Variants in ZNF608 observed in about 807,000 individuals in gnomAD.
The protein encoded by ZNF608 is renal carcinoma antigen NY-REN-36.
A neutral mutation model predicts 109.0 loss-of-function variants in ZNF608; 12 were observed. The observed-to-expected ratio is 0.11, with a 90% CI of 0.07 to 0.18. The LOEUF (loss-of-function observed/expected upper bound fraction) is 0.18. Ranked by LOEUF, ZNF608 falls within the 10% of genes least tolerant of loss-of-function variation. The probability of loss-of-function intolerance (pLI) is 1.00; values close to 1 mark genes in which losing one functional copy is unlikely to be tolerated. For missense variants in ZNF608, 1,707 were observed against 1,879.3 expected, an observed-to-expected ratio of 0.91 and a Z score of 1.70; for synonymous variants, 732 against 717.4, an observed-to-expected ratio of 1.02 and a Z score of -0.33.
chr5:124,690,948 C>CACACACAA (rs1554087945), intron 3 of ZNF608, among the ~76,000 whole-genome samples: 3 of 139,658 alleles, frequency 2.1e-5, no homozygotes, highest in East Asian at 2.0e-4. Flanking sequence ...CACACACACA[C>CACACACAA]ACACACATAA....
intron 8 of ZNF608, among the ~76,000 whole-genome samples, chr5:124,640,712 T>C (rs1341929701): frequency 6.6e-6 from 1 of 152,250 alleles, no homozygotes; most frequent in Non-Finnish European, 1.5e-5. Context: ...ATATCAATCC[T>C]ATGGCTTAAA....
In ZNF608 at chr5:124,647,606, C is replaced by T; in HGVS notation, c.2778G>A (p.Gly926=). The T allele has an allele frequency of 6.2e-7, 1 of 1,614,180 alleles. No homozygotes were observed. The highest frequency in any genetic ancestry group is 8.5e-7 in the Non-Finnish European group (1 of 1,180,042). ...MAPLHVLTQN[G]AESSAAKTSS... ...TTGTCTTTGCAGCTGAACTCTCTGC[C>T]CCATTCTGGGTCAACACATGCAGAG... is the stretch of plus-strand genomic sequence containing the variant. The change falls in exon 5 of 10, where the codon GGG becomes GGA. Residue 926 remains glycine, a synonymous_variant. Coordinates refer to ENST00000513986, the MANE Select transcript of ZNF608 (RefSeq NM_020747.3).
At chr5:124,646,309 G>T (rs149892520) in intron 5 of ZNF608, among the ~76,000 whole-genome samples, 2,335 of 152,268 alleles carry the variant, frequency 0.015, 47 homozygotes, top group African/African-American at 0.045. Flanking sequence ...AGAGAGCCAA[G>T]ATTGCACCAC....
chr5:124,654,116 C>T (rs963859396), intron 3 of ZNF608, among the ~76,000 whole-genome samples: 1 of 152,190 alleles, frequency 6.6e-6, no homozygotes, highest in South Asian at 2.1e-4. Context: ...CCATCATCCA[C>T]TCAACAGCCT....
At chr5:124,743,480 G>T (rs1371143680) in intron 2 of ZNF608, among the ~76,000 whole-genome samples, 1 of 152,010 alleles carries the variant, frequency 6.6e-6, no homozygotes, top group Non-Finnish European at 1.5e-5. Context: ...TCAAGCTTGG[G>T]GTTTCATTCA....
chr5:124,675,310 A>G (rs1166524633), intron 3 of ZNF608, among the ~76,000 whole-genome samples: 7 of 152,214 alleles, frequency 4.6e-5, no homozygotes, highest in Non-Finnish European at 7.3e-5. Context: ...TCTTGACAAA[A>G]ATTACTCAAG....
intron 2 of ZNF608, among the ~76,000 whole-genome samples, chr5:124,721,756 T>C (rs560006879): frequency 2.3e-4 from 34 of 150,950 alleles, no homozygotes; most frequent in African/African-American, 4.6e-4. Flanking sequence ...GCCAACATGG[T>C]GAAACCCCAT....
chr5:124,651,886 G>T (rs187472443), intron 3 of ZNF608, among the ~76,000 whole-genome samples: 1 of 152,246 alleles, frequency 6.6e-6, no homozygotes, highest in Admixed American at 6.5e-5. Context: ...CTAGAGGGCC[G>T]CCTGCGCTGC....
At chr5:124,673,815 T>G (rs904247862) in intron 3 of ZNF608, among the ~76,000 whole-genome samples, 1 of 152,198 alleles carries the variant, frequency 6.6e-6, no homozygotes, top group Non-Finnish European at 1.5e-5. Flanking sequence ...TTCAAGGATA[T>G]ATACAGCATG....
intron 3 of ZNF608, among the ~76,000 whole-genome samples, chr5:124,660,626 C>A (rs1423473323): frequency 1.3e-5 from 2 of 152,206 alleles, no homozygotes; most frequent in Non-Finnish European, 2.9e-5. Flanking sequence ...TCACAACCAG[C>A]TTTGTAGCCG....
Position 124,649,096 on chromosome 5 carries a change from C to T in ZNF608, c.1288G>A (p.Gly430Arg). Residue 430 changes from glycine to arginine, a missense_variant, in exon 5 of 10, where the codon GGG becomes AGG. Transcript: ENST00000513986. Reference sequence around the variant, plus strand: ...GCTCTCTTCCCTCTGCCCCGGCCCCCTCTCATCTCCAGGTCACTTGTCGGT... The same window carrying T: ...GCTCTCTTCCCTCTGCCCCGGCCCCTTCTCATCTCCAGGTCACTTGTCGGT... ...ESPTSDLEMR[G>R]GRGRGKRARS... 1.3e-6 allele frequency: 2 copies of T among 1,583,630 alleles called. No homozygotes were observed. Among genetic ancestry groups the T allele is most frequent in the African/African-American group, 1.4e-5 (1 of 73,158 alleles).
chr5:124,726,941 G>A (rs777479359), intron 2 of ZNF608, among the ~76,000 whole-genome samples: 31 of 152,164 alleles, frequency 2.0e-4, no homozygotes, highest in African/African-American at 5.1e-4. Flanking sequence ...CTGGGATTCC[G>A]GGCTTTGGAT....
At chr5:124,717,613 C>T (rs1753755692) in intron 2 of ZNF608, among the ~76,000 whole-genome samples, 1 of 152,126 alleles carries the variant, frequency 6.6e-6, no homozygotes, top group Non-Finnish European at 1.5e-5. Flanking sequence ...GGCTCTGAAA[C>T]AATACAGTCC....
Position 124,648,056 on chromosome 5 carries a change from A to G in ZNF608, c.2328T>C (p.Val776=). Residue 776 remains valine, a synonymous_variant, in exon 5 of 10, where the codon GTT becomes GTC. Coordinates refer to ENST00000513986, the MANE Select transcript of ZNF608 (RefSeq NM_020747.3). ...ACGGAGGACTCTTTGGTGTAGCCTG[A>G]ACAACAGTTGTTGTGAGGGAGGGCA... ...PGLPSLTTTV[V]QATPKSPPLK... is the part of the protein sequence containing the mutation. The G allele has an allele frequency of 6.2e-7, 1 of 1,614,112 alleles. No homozygotes were observed. Among genetic ancestry groups the G allele is most frequent in the South Asian group, 1.1e-5 (1 of 91,076 alleles).
At chr5:124,685,778 C>G (rs1028764419) in intron 3 of ZNF608, among the ~76,000 whole-genome samples, 15 of 152,196 alleles carry the variant, frequency 9.9e-5, no homozygotes, top group African/African-American at 3.6e-4. Flanking sequence ...CTAGATCCCT[C>G]CCAAGCCATC....
intron 2 of ZNF608, among the ~76,000 whole-genome samples, chr5:124,709,170 C>CAAAA (rs1156276798): frequency 0.015 from 491 of 32,698 alleles, 81 homozygotes; most frequent in African/African-American, 0.054. Context: ...GACTCTGTCT[C>CAAAA]AAAAAAAAAA....
At chr5:124,671,219 GA>G (rs1196677777) in intron 3 of ZNF608, among the ~76,000 whole-genome samples, 3 of 152,126 alleles carry the variant, frequency 2.0e-5, no homozygotes, top group Non-Finnish European at 2.9e-5. Flanking sequence ...AAACTAAGTA[GA>G]TAATAAAATA....
chr5:124,712,865 A>G (rs1033211922), intron 2 of ZNF608, among the ~76,000 whole-genome samples: 1 of 152,156 alleles, frequency 6.6e-6, no homozygotes, highest in Non-Finnish European at 1.5e-5. Flanking sequence ...ATGACTCCAC[A>G]CCATGCTGCA....
intron 2 of ZNF608, among the ~76,000 whole-genome samples, chr5:124,709,197 A>AAAAAAAAAAAAC (rs1561575420): frequency 1.3e-5 from 2 of 150,496 alleles, no homozygotes; most frequent in Non-Finnish European, 3.0e-5. Context: ...AAAAAAAAAA[A>AAAAAAAAAAAAC]ATCTGGGTTC....
Sources: allele counts gnomAD v4.1 joint callset (sites outside exome capture counted in the v4.1 genomes callset), GRCh38; gene constraint gnomAD v4.1.1; transcripts MANE v1.5; gene names NCBI Gene and HGNC (gene_info 2026-07-23, HGNC 2026-07-21).